RAPGEF1: variants seen among roughly 807,000 people sequenced by gnomAD.
RAPGEF1 encodes the protein CRK SH3-binding GNRP.
RAPGEF1 carries 33 observed loss-of-function variants against 143.3 expected under a neutral mutation model. The observed-to-expected ratio is 0.23, with a 90% CI of 0.17 to 0.31. The LOEUF (loss-of-function observed/expected upper bound fraction) is 0.31, where lower values mean the gene tolerates loss of function less well. RAPGEF1 is among the 10% of genes least tolerant of loss of function. The pLI, the probability that RAPGEF1 is intolerant of heterozygous loss-of-function variation, is 1.00. For missense variants in RAPGEF1, 1,199 were observed against 1,645.4 expected (o/e 0.73, Z 4.69); for synonymous variants, 629 against 676.5 (o/e 0.93, Z 1.09).
Position 131,734,842 on chromosome 9 carries a change from C to T in RAPGEF1, c.61+4928G>A, listed in dbSNP as rs188649279. Among the ~76,000 whole-genome samples the T allele has an allele frequency of 9.0e-4, 137 of 152,328 alleles. 1 individual carries two copies. The highest frequency in any genetic ancestry group is 3.9e-3 in the East Asian group (20 of 5,188). On this transcript the variant is annotated intron_variant, in intron 1 of 26. Transcript: ENST00000683357. The stretch of plus-strand genomic sequence containing the variant: ...GATTTACAATAAAAGCATCTTCACA[C>T]ATTTGAAACCGTAGCACACTGAGCG...
chr9:131,669,132 G>A (rs1230978470), intron 1 of RAPGEF1, among the ~76,000 whole-genome samples: 2 of 152,222 alleles, frequency 1.3e-5, no homozygotes, highest in South Asian at 2.1e-4. Flanking sequence ...GGCAGGAGGT[G>A]GCAGCAGACG....
In RAPGEF1 at chr9:131,590,070, A is replaced by G; in HGVS notation, c.2775-92T>C. Reference sequence around the variant, plus strand: ...TGGTGACCACTCACTGAGCGCTCACAATGTGCCCATCTTCCTGCATGTAAA... The same window carrying G: ...TGGTGACCACTCACTGAGCGCTCACGATGTGCCCATCTTCCTGCATGTAAA... On this transcript the variant is annotated intron_variant, in intron 18 of 26. Coordinates refer to ENST00000683357, the MANE Select transcript of RAPGEF1 (RefSeq NM_001377935.1). The G allele has an allele frequency of 5.4e-6, 6 of 1,118,170 alleles. No individual in the cohort carries two copies. In the Middle Eastern group the frequency reaches 6.3e-4, roughly 118 times the overall value. 69.3% of individuals were successfully genotyped at this position (1,118,170 alleles called of 1,614,324 possible). A position where few individuals can be genotyped will look rare whatever the true frequency, so the allele number is the denominator to read the frequency against.
In RAPGEF1 at chr9:131,584,210, AT is replaced by A; in HGVS notation, c.3414+100del. 1 of 1,123,342 alleles carries A rather than the reference AT, an allele frequency of 8.9e-7. No homozygotes were observed. 69.6% of individuals were successfully genotyped at this position (1,123,342 alleles called of 1,614,324 possible). On this transcript the variant is annotated intron_variant, in intron 24 of 26. Coordinates refer to ENST00000683357, the MANE Select transcript of RAPGEF1 (RefSeq NM_001377935.1). This position sits in a 1 kb window ranked among gnomAD's most constrained non-coding sequence, Gnocchi z 6.8. Reference sequence around the variant, plus strand: ...GGCAGAGCAGGGGCCTAGGCCCAGCATTTGCTCCAGTGGGAGCACTTTCTGC... The same window carrying A: ...GGCAGAGCAGGGGCCTAGGCCCAGCATTGCTCCAGTGGGAGCACTTTCTGC...
At chr9:131,737,014 C>A (rs1470062391) in intron 1 of RAPGEF1, among the ~76,000 whole-genome samples, 1 of 152,162 alleles carries the variant, frequency 6.6e-6, no homozygotes, top group East Asian at 1.9e-4. Flanking sequence ...GAATAGCCAG[C>A]AGAGACCACC....
intron 3 of RAPGEF1, among the ~76,000 whole-genome samples, chr9:131,648,328 T>C (rs1296544576): frequency 2.6e-5 from 4 of 152,124 alleles, no homozygotes; most frequent in East Asian, 1.9e-4. Flanking sequence ...GAGGCGGAGA[T>C]TGCAGTGAGC....
chr9:131,643,381 C>T lies in RAPGEF1; in HGVS notation c.352G>A (p.Val118Ile). The change falls in exon 4 of 27, where the codon GTC (valine) becomes ATC (isoleucine). Residue 118 changes from valine to isoleucine, a missense_variant. Around this residue, in one of 6 missense-constraint regions of RAPGEF1, gnomAD observed 613 missense variants for 710.9 expected, o/e 0.86. Coordinates refer to ENST00000683357, the MANE Select transcript of RAPGEF1 (RefSeq NM_001377935.1). ...GTCTTAAAGTAGCGCAGGGCACTGA[C>T]AACTTCCTTCTCTTTCTCCTCCAGC... ...SWLEEKEKEV[V>I]SALRYFKTIV... The T allele has an allele frequency of 6.2e-7, 1 of 1,613,716 alleles. No homozygotes were observed. The highest frequency in any genetic ancestry group is 8.5e-7 in the Non-Finnish European group (1 of 1,179,780).
chr9:131,713,083 T>C (rs1376039362), intron 1 of RAPGEF1, among the ~76,000 whole-genome samples: 2 of 152,184 alleles, frequency 1.3e-5, no homozygotes, highest in Admixed American at 6.5e-5. Flanking sequence ...AGAAAATTTT[T>C]CTGATTCTTC....
intron 19 of RAPGEF1, 141 bp downstream of exon 19, chr9:131,589,745 G>A (rs745309918): frequency 7.5e-5 from 56 of 743,544 alleles, no homozygotes; most frequent in Non-Finnish European, 9.7e-5. Flanking sequence ...CTGGTCTATC[G>A]GGCACAGGCC....
In RAPGEF1 at chr9:131,650,041, A is replaced by G; in HGVS notation, c.315+88T>C. ...CCCAGTTGAACATAATAATAGTGCA[A>G]TAGAGTTTTTTCCATCCCCAAAACC... is the stretch of plus-strand genomic sequence containing the variant. On this transcript the variant is annotated intron_variant, in intron 3 of 26. Transcript: ENST00000683357. This position sits in a 1 kb window ranked among gnomAD's most constrained non-coding sequence, Gnocchi z 4.7. 5.6e-6 allele frequency: 6 copies of G among 1,067,458 alleles called. No individual in the cohort carries two copies. Among genetic ancestry groups the G allele is most frequent in the Middle Eastern group, 4.1e-4 (2 of 4,894 alleles). 66.1% of individuals were successfully genotyped at this position (1,067,458 alleles called of 1,614,324 possible).
chr9:131,717,697 C>T (rs1835955413), intron 1 of RAPGEF1, among the ~76,000 whole-genome samples: 1 of 143,618 alleles, frequency 7.0e-6, no homozygotes, highest in Non-Finnish European at 1.5e-5. Flanking sequence ...CGCTTGAACC[C>T]AAGAGGTTGC....
intron 1 of RAPGEF1, among the ~76,000 whole-genome samples, chr9:131,669,447 GT>G (rs1830992714): frequency 6.6e-6 from 1 of 152,136 alleles, no homozygotes; most frequent in Non-Finnish European, 1.5e-5. Context: ...CAGACACTGC[GT>G]GGCATCCTCA....
intron 5 of RAPGEF1, among the ~76,000 whole-genome samples, chr9:131,630,739 G>A (rs1006109749): frequency 2.6e-5 from 4 of 152,166 alleles, no homozygotes; most frequent in Non-Finnish European, 5.9e-5. Context: ...TTCCCAAGGC[G>A]AGCTGGCCAC....
At chr9:131,627,144 G>A (rs1963377064) in intron 9 of RAPGEF1, among the ~76,000 whole-genome samples, 1 of 150,290 alleles carries the variant, frequency 6.7e-6, no homozygotes, top group Non-Finnish European at 1.5e-5. Context: ...AACCCGGGAG[G>A]CGGAGGTTGC....
At chr9:131,703,475 C>CT (rs1834818891) in intron 1 of RAPGEF1, among the ~76,000 whole-genome samples, 1 of 152,212 alleles carries the variant, frequency 6.6e-6, no homozygotes, top group Non-Finnish European at 1.5e-5. Context: ...ACTGACTGCA[C>CT]GCCAGGCACT....
Position 131,641,203 on chromosome 9 carries a change from A to C in RAPGEF1, c.494+2036T>G, listed in dbSNP as rs34482559. Among the ~76,000 whole-genome samples the C allele has an allele frequency of 0.22, 34,227 of 152,186 alleles. 4,602 individuals carry two copies. The highest frequency in any genetic ancestry group is 0.3 in the Non-Finnish European group (20,493 of 67,990). The stretch of plus-strand genomic sequence containing the variant: ...CAATACACTCTGGGTGTGAGGGTCC[A>C]GGGGACGCTATCCTGGACTCTCCCA... On this transcript the variant is annotated intron_variant, in intron 4 of 26. Coordinates refer to ENST00000683357, the MANE Select transcript of RAPGEF1 (RefSeq NM_001377935.1). The surrounding 1 kb of genome is among the most constrained non-coding windows in gnomAD (Gnocchi z 4.6).
chr9:131,685,665 G>A (rs1833284673), intron 1 of RAPGEF1, among the ~76,000 whole-genome samples: 2 of 152,094 alleles, frequency 1.3e-5, no homozygotes, highest in African/African-American at 4.8e-5. Flanking sequence ...TAATAAACAC[G>A]TGGGTAAATC....
At chr9:131,711,145 G>A (rs1056766545) in intron 1 of RAPGEF1, among the ~76,000 whole-genome samples, 2 of 147,292 alleles carry the variant, frequency 1.4e-5, no homozygotes, top group Admixed American at 1.4e-4. Context: ...CAACCTCCCT[G>A]GCCCAAGCAA....
intron 18 of RAPGEF1, among the ~76,000 whole-genome samples, chr9:131,591,044 A>G (rs1954147066): frequency 6.6e-6 from 1 of 152,262 alleles, no homozygotes; most frequent in Admixed American, 6.5e-5. Flanking sequence ...CACAGGTGTA[A>G]AGCACATCTC....
In RAPGEF1 at chr9:131,621,781, G is replaced by A. The variant is rs372231302; in HGVS notation, c.1905+15C>T. 2 of 1,591,810 alleles carry A rather than the reference G, an allele frequency of 1.3e-6. No homozygotes were observed. The highest frequency in any genetic ancestry group is 1.7e-6 in the Non-Finnish European group (2 of 1,169,822). On this transcript the variant is annotated intron_variant, in intron 11 of 26. Coordinates refer to ENST00000683357, the MANE Select transcript of RAPGEF1 (RefSeq NM_001377935.1). The surrounding 1 kb of genome is among the most constrained non-coding windows in gnomAD (Gnocchi z 4.5). The stretch of plus-strand genomic sequence containing the variant: ...AGGATCGGAAGTTCTAGTCACAAGG[G>A]AAGGTGTCACTCACCAGCTGCCGCT...
Sources: allele counts gnomAD v4.1 joint callset (sites outside exome capture counted in the v4.1 genomes callset), GRCh38; gene constraint gnomAD v4.1.1; regional missense constraint gnomAD v4.1.1; non-coding constraint Gnocchi (gnomAD v3.1); transcripts MANE v1.5; gene names NCBI Gene and HGNC (gene_info 2026-07-23, HGNC 2026-07-21).